MARCHF1: variants seen among roughly 807,000 people sequenced by gnomAD.
MARCHF1 encodes the protein E3 ubiquitin-protein ligase MARCHF1.
Under a neutral mutation model 54.2 loss-of-function variants are expected in MARCHF1, and 40 were observed. That is an observed-to-expected ratio of 0.74 (90% CI 0.57 to 0.96). The LOEUF is 0.96. Among genes scored for constraint, MARCHF1 ranks in the 40% least tolerant of loss-of-function variants. The pLI is 0.00. For missense variants in MARCHF1, 586 were observed against 656.5 expected (o/e 0.89, Z 1.17); for synonymous variants, 236 against 236.3 (o/e 1.00, Z 0.01).
At chr4:164,215,279 G>A (rs1258637370) in intron 1 of MARCHF1, among the ~76,000 whole-genome samples, 3 of 152,250 alleles carry the variant, frequency 2.0e-5, no homozygotes, top group African/African-American at 4.8e-5. Context: ...TCCTTCCTTC[G>A]GTAGATAGCC....
chr4:163,761,451 A>C (rs546111838), intron 4 of MARCHF1, among the ~76,000 whole-genome samples: 1 of 152,328 alleles, frequency 6.6e-6, no homozygotes, highest in Admixed American at 6.5e-5. Context: ...TGTCCTGTAG[A>C]AGCTGAGGTC....
At chr4:164,251,292 T>C (rs910996278) in intron 1 of MARCHF1, among the ~76,000 whole-genome samples, 8 of 152,180 alleles carry the variant, frequency 5.3e-5, no homozygotes, top group African/African-American at 1.9e-4. Context: ...CATATAATTA[T>C]GCTGAGCAGA....
In MARCHF1 at chr4:163,761,149, G is replaced by A. The variant is rs555445315; in HGVS notation, c.112-60286C>T. ...AAATACAAGAATTTCTAGTGCTGAT[G>A]TTTATCAGTCATATTGTAATCATTT... On this transcript the variant is annotated intron_variant, in intron 4 of 9. Coordinates refer to ENST00000514618, the MANE Select transcript of MARCHF1 (RefSeq NM_001394959.1). Among the ~76,000 whole-genome samples, 22 of 152,286 alleles carry A rather than the reference G, an allele frequency of 1.4e-4. No individual in the cohort carries two copies. The South Asian group carries it at 3.1e-3, about 22-fold the overall frequency.
intron 1 of MARCHF1, among the ~76,000 whole-genome samples, chr4:164,296,988 C>A (rs1337432149): frequency 1.3e-5 from 2 of 152,192 alleles, no homozygotes; most frequent in Non-Finnish European, 2.9e-5. Flanking sequence ...TGCCCTTGCT[C>A]TGTGTGACAA....
At chr4:163,854,220 T>C in intron 3 of MARCHF1, 51 bp from the exon 4 acceptor site, 4 of 1,323,290 alleles carry the variant, frequency 3.0e-6, no homozygotes, top group Non-Finnish European at 4.0e-6. Flanking sequence ...TAGCTGTGTT[T>C]TGGAAAATAC....
At chr4:164,377,788 G>C (rs1578914001) in intron 1 of MARCHF1, among the ~76,000 whole-genome samples, 1 of 152,168 alleles carries the variant, frequency 6.6e-6, no homozygotes, top group African/African-American at 2.4e-5. Context: ...CAGACAAACA[G>C]TCTCAATATA....
chr4:163,835,141 C>T (rs1749144821), intron 4 of MARCHF1, among the ~76,000 whole-genome samples: 1 of 152,114 alleles, frequency 6.6e-6, no homozygotes, highest in Non-Finnish European at 1.5e-5. Flanking sequence ...CTCAGTCTCC[C>T]AAAGTGCTGA....
intron 1 of MARCHF1, among the ~76,000 whole-genome samples, chr4:164,333,867 G>A (rs1242121107): frequency 1.3e-5 from 2 of 152,232 alleles, no homozygotes; most frequent in Admixed American, 6.5e-5. Flanking sequence ...GAAATTAAAA[G>A]TGCTACTCCA....
At chr4:164,175,912 C>T (rs951244227) in intron 1 of MARCHF1, among the ~76,000 whole-genome samples, 71 of 152,168 alleles carry the variant, frequency 4.7e-4, no homozygotes, top group African/African-American at 1.7e-3. Context: ...TAATACACCC[C>T]TGTAATCTTT....
chr4:163,814,074 G>T (rs868243253), intron 4 of MARCHF1, among the ~76,000 whole-genome samples: 11 of 152,244 alleles, frequency 7.2e-5, no homozygotes, highest in African/African-American at 2.6e-4. Context: ...TCCCAGGATC[G>T]ATTGTATCTT....
chr4:163,805,886 A>AT (rs1371858256), intron 4 of MARCHF1, among the ~76,000 whole-genome samples: 1 of 152,026 alleles, frequency 6.6e-6, no homozygotes, highest in Non-Finnish European at 1.5e-5. Flanking sequence ...CTCTACCCCA[A>AT]TTTTTTTGTG....
chr4:164,308,317 C>T (rs963557419), intron 1 of MARCHF1, among the ~76,000 whole-genome samples: 1 of 152,096 alleles, frequency 6.6e-6, no homozygotes, highest in Non-Finnish European at 1.5e-5. Context: ...GAACTAAAAA[C>T]AAACATTTGT....
intron 5 of MARCHF1, among the ~76,000 whole-genome samples, chr4:163,618,948 G>A (rs567637784): frequency 1.6e-4 from 24 of 152,098 alleles, no homozygotes; most frequent in East Asian, 1.4e-3. Flanking sequence ...AGAAGGAGAC[G>A]CCTGTCCAAC....
At chr4:164,198,159 A>G (rs1192521162) in intron 1 of MARCHF1, among the ~76,000 whole-genome samples, 1 of 152,316 alleles carries the variant, frequency 6.6e-6, no homozygotes, top group East Asian at 1.9e-4. Context: ...CATGAAAGAC[A>G]TATTTTGGTG....
chr4:164,040,436 A>G (rs1466168534), intron 2 of MARCHF1, among the ~76,000 whole-genome samples: 1 of 147,512 alleles, frequency 6.8e-6, no homozygotes, highest in Non-Finnish European at 1.5e-5. Context: ...ATATAAATAT[A>G]TAGGTATATC....
At chr4:163,700,262 T>C (rs554686712) in intron 5 of MARCHF1, among the ~76,000 whole-genome samples, 27 of 152,176 alleles carry the variant, frequency 1.8e-4, no homozygotes, top group African/African-American at 6.0e-4. Context: ...ATCCCAATAC[T>C]TTGGGAGGCT....
intron 3 of MARCHF1, among the ~76,000 whole-genome samples, chr4:163,874,812 G>A (rs1181449373): frequency 6.6e-6 from 1 of 152,082 alleles, no homozygotes; most frequent in Admixed American, 6.5e-5. Flanking sequence ...TAGACAAATA[G>A]AAGCACTGAG....
intron 8 of MARCHF1, among the ~76,000 whole-genome samples, chr4:163,578,732 C>T (rs1740119228): frequency 6.6e-6 from 1 of 152,088 alleles, no homozygotes; most frequent in Admixed American, 6.5e-5. Context: ...TTGCCTGTAC[C>T]ATTTCCTCTG....
At chr4:164,374,343 A>G (rs1731123935) in intron 1 of MARCHF1, among the ~76,000 whole-genome samples, 2 of 152,124 alleles carry the variant, frequency 1.3e-5, no homozygotes, top group Non-Finnish European at 2.9e-5. Context: ...TTATTACTAA[A>G]AGTATTTGGG....
Sources: gnomAD v4.1 joint callset for allele counts (sites outside exome capture counted in the v4.1 genomes callset) on GRCh38, gnomAD v4.1.1 for gene constraint, MANE v1.5 for transcripts, NCBI Gene and HGNC (gene_info 2026-07-23, HGNC 2026-07-21) for gene names.